MYO5B: variants seen among roughly 807,000 people sequenced by gnomAD.
MYO5B encodes unconventional myosin-Vb.
Under a neutral mutation model 229.3 loss-of-function variants are expected in MYO5B, and 143 were observed. That is an observed-to-expected ratio of 0.62 (90% CI 0.54 to 0.72). The LOEUF (loss-of-function observed/expected upper bound fraction) is 0.72, where lower values mean the gene tolerates loss of function less well. Ranked by LOEUF, MYO5B falls within the 30% of genes least tolerant of loss-of-function variation. The pLI, the probability that MYO5B is intolerant of heterozygous loss-of-function variation, is 0.00. For synonymous variants in MYO5B, 918 were observed against 885.2 expected (o/e 1.04, Z -0.66); for missense variants, 2,321 against 2,331.0 (o/e 1.00, Z 0.09).
chr18:49,858,743 AAGT>A (rs1202142860), intron 29 of MYO5B, among the ~76,000 whole-genome samples: 2 of 152,200 alleles, frequency 1.3e-5, no homozygotes, highest in Non-Finnish European at 2.9e-5. Context: ...ACAAAGATAA[AAGT>A]AGAGAACTGT....
intron 1 of MYO5B, among the ~76,000 whole-genome samples, chr18:50,120,082 G>T (rs922478894): frequency 6.6e-6 from 1 of 152,216 alleles, no homozygotes; most frequent in African/African-American, 2.4e-5. Flanking sequence ...AAAGTGGTGT[G>T]TGCATTTACA....
chr18:49,839,959 A>T (rs994143761), intron 35 of MYO5B: 2 of 156,896 alleles, frequency 1.3e-5, no homozygotes, highest in Non-Finnish European at 2.8e-5. Flanking sequence ...AACCATCTTC[A>T]GCAAGGCCTG....
chr18:50,188,022 C>T (rs979812094), intron 1 of MYO5B, among the ~76,000 whole-genome samples: 3 of 152,160 alleles, frequency 2.0e-5, no homozygotes, highest in African/African-American at 4.8e-5. Flanking sequence ...TGTTAACCTC[C>T]TGGTTTCAAT....
chr18:49,972,917 G>A (rs568233340), intron 10 of MYO5B, among the ~76,000 whole-genome samples: 96 of 152,194 alleles, frequency 6.3e-4, no homozygotes, highest in African/African-American at 2.1e-3. Context: ...TATCAGCAAG[G>A]AGGTTTGCCT....
In MYO5B at chr18:50,176,189, T is replaced by C. The variant is rs955287541; in HGVS notation, c.27+18578A>G. 5.7e-4 allele frequency among the ~76,000 whole-genome samples: 87 copies of C among 152,178 alleles called. 1 individual carries two copies. Among genetic ancestry groups the C allele is most frequent in the Non-Finnish European group, 8.8e-5 (6 of 68,030 alleles). Reference sequence around the variant, plus strand: ...TCTTATTGGGAGGGAGTTGGCTTAATGCTAAAGTCAATATTAAAGCAAAAA... The same window carrying C: ...TCTTATTGGGAGGGAGTTGGCTTAACGCTAAAGTCAATATTAAAGCAAAAA... On this transcript the variant is annotated intron_variant, in intron 1 of 39. Transcript: ENST00000285039.
chr18:50,059,856 T>A (rs551549528), intron 1 of MYO5B, among the ~76,000 whole-genome samples: 1 of 152,198 alleles, frequency 6.6e-6, no homozygotes, highest in African/African-American at 2.4e-5. Context: ...ATAATCAAAT[T>A]TTGCCTCATA....
chr18:50,143,833 C>T (rs1011942221), intron 1 of MYO5B, among the ~76,000 whole-genome samples: 2 of 152,298 alleles, frequency 1.3e-5, no homozygotes, highest in South Asian at 2.1e-4. Flanking sequence ...TACGCACCTG[C>T]CTTAATCCAT....
At chr18:50,166,062 T>C (rs1445833083) in intron 1 of MYO5B, among the ~76,000 whole-genome samples, 3 of 152,158 alleles carry the variant, frequency 2.0e-5, no homozygotes, top group Admixed American at 2.0e-4. Context: ...CCTGTCCTCC[T>C]TTTTCAGCAA....
At chr18:49,883,100 T>C (rs1452910919) in intron 22 of MYO5B, among the ~76,000 whole-genome samples, 2 of 152,230 alleles carry the variant, frequency 1.3e-5, no homozygotes, top group Admixed American at 1.3e-4. Context: ...AAAGACTGAA[T>C]GCGTTTCCCC....
Position 49,880,411 on chromosome 18 carries a change from C to A in MYO5B, c.3090G>T (p.Glu1030Asp). 3 of 1,614,172 alleles carry A rather than the reference C, an allele frequency of 1.9e-6. No homozygotes were observed. The highest frequency in any genetic ancestry group is 2.5e-6 in the Non-Finnish European group (3 of 1,180,024). Reference sequence around the variant, plus strand: ...GGATTTGGTTGTTGAGCTGTTCTTTCTCATCTTTCAAGAGAGCATTTTCTT... The same window carrying A: ...GGATTTGGTTGTTGAGCTGTTCTTTATCATCTTTCAAGAGAGCATTTTCTT... ...LEQENALLKD[E>D]KEQLNNQILC... Residue 1030 changes from glutamate to aspartate, a missense_variant, in exon 23 of 40, where the codon GAG (glutamate) becomes GAT (aspartate). Physicochemically the swap from Glu to Asp is conservative, Grantham distance 45. This residue lies in a region of MYO5B where 2,113 missense variants were observed against 2,044.7 expected (regional missense o/e 1.03). Transcript: ENST00000285039.
chr18:49,873,216 G>T (rs582210), intron 26 of MYO5B, among the ~76,000 whole-genome samples: 124,550 of 152,208 alleles, frequency 0.82, 51,092 homozygotes, highest in East Asian at 0.95. Flanking sequence ...TGACTTAAAT[G>T]GCCAATGAGA....
intron 1 of MYO5B, among the ~76,000 whole-genome samples, chr18:50,179,403 G>T (rs1284226940): frequency 6.6e-6 from 1 of 152,216 alleles, no homozygotes; most frequent in Non-Finnish European, 1.5e-5. Flanking sequence ...ATCTTGGGAA[G>T]TTCCTTCATC....
chr18:49,937,456 C>T (rs2025264239), intron 14 of MYO5B, 59 bp from the exon 15 acceptor site: 2 of 1,580,804 alleles, frequency 1.3e-6, no homozygotes, highest in Non-Finnish European at 1.7e-6. Flanking sequence ...TACATGTTTC[C>T]TCTCAAAGCT....
intron 2 of MYO5B, among the ~76,000 whole-genome samples, chr18:50,051,964 T>C (rs2030405375): frequency 6.6e-6 from 1 of 152,158 alleles, no homozygotes; most frequent in Non-Finnish European, 1.5e-5. Context: ...GGTTACACAA[T>C]GTAAATACCA....
At chr18:50,145,348 G>A (rs186067987) in intron 1 of MYO5B, among the ~76,000 whole-genome samples, 22 of 151,886 alleles carry the variant, frequency 1.4e-4, no homozygotes, top group African/African-American at 5.3e-4. Context: ...TTAGCTGGGT[G>A]TGGTGGTGGG....
chr18:49,878,768 T>TA (rs1178320987), intron 24 of MYO5B, among the ~76,000 whole-genome samples, 177 bp downstream of exon 24: 1 of 152,176 alleles, frequency 6.6e-6, no homozygotes, highest in Non-Finnish European at 1.5e-5. Flanking sequence ...GAGCTGTCAG[T>TA]AGGAATGAAT....
intron 29 of MYO5B, among the ~76,000 whole-genome samples, chr18:49,861,006 A>G (rs980472103): frequency 6.6e-6 from 1 of 152,114 alleles, no homozygotes; most frequent in Admixed American, 6.5e-5. Context: ...GCAATCATGA[A>G]CACTTCCCAA....
chr18:50,071,708 A>T (rs919937812), intron 1 of MYO5B, among the ~76,000 whole-genome samples: 3 of 152,232 alleles, frequency 2.0e-5, no homozygotes, highest in Non-Finnish European at 4.4e-5. Context: ...CTTATCTGTC[A>T]CTACTCCTGG....
intron 14 of MYO5B, among the ~76,000 whole-genome samples, chr18:49,940,627 C>A (rs1007140255): frequency 1.3e-5 from 2 of 152,162 alleles, no homozygotes; most frequent in Non-Finnish European, 2.9e-5. Flanking sequence ...AGTGAACCCC[C>A]CTCAGTCTGA....
Sources: allele counts gnomAD v4.1 joint callset (sites outside exome capture counted in the v4.1 genomes callset), GRCh38; gene constraint gnomAD v4.1.1; regional missense constraint gnomAD v4.1.1; transcripts MANE v1.5; gene names NCBI Gene and HGNC (gene_info 2026-07-23, HGNC 2026-07-21).